ZNF83: variants seen among roughly 807,000 people sequenced by gnomAD.
The protein encoded by ZNF83 is zinc finger protein 83.
For synonymous variants in ZNF83, 209 were observed against 213.0 expected (o/e 0.98, Z 0.17); for missense variants, 552 against 629.9 (o/e 0.88, Z 1.32).
intron 2 of ZNF83, chr19:52,618,071 T>C (rs1275031072): frequency 6.6e-6 from 1 of 152,240 alleles, no homozygotes; most frequent in East Asian, 1.9e-4. Flanking sequence ...TGGATATCTT[T>C]AAAGTCTGCC....
At chr19:52,613,934 C>T in exon 3 of ZNF83, 1 of 1,613,382 alleles carries the variant, frequency 6.2e-7, no homozygotes, top group East Asian at 2.2e-5. Flanking sequence ...AAGACCTTTC[C>T]ACATTCATTA....
chr19:52,684,528 C>T lies in ZNF83; in HGVS notation c.-283+5915G>A, dbSNP rs2061980612. 2.5e-5 allele frequency among the ~76,000 whole-genome samples: 3 copies of T among 122,266 alleles called. No homozygotes were observed. The South Asian group carries it at 7.7e-4, about 32-fold the overall frequency. 80.2% of individuals were successfully genotyped at this position (122,266 alleles called of 152,430 possible). ...CACAAGAGTGCACTCATAGTTTGGACAATAGAGTGAGACTCTGTCTAAAAA... is the reference window on the plus strand; with the variant it reads ...CACAAGAGTGCACTCATAGTTTGGATAATAGAGTGAGACTCTGTCTAAAAA... On this transcript the variant is annotated intron_variant, in intron 1 of 5. Transcript: ENST00000594682.
chr19:52,636,273 C>CT (rs1478982007), intron 1 of ZNF83: 1 of 152,166 alleles, frequency 6.6e-6, no homozygotes. Flanking sequence ...GATCATGCCA[C>CT]TGCATTCCAG....
At chr19:52,618,779 CAGTGAA>C (rs776606750) in intron 2 of ZNF83, 42 of 1,258,462 alleles carry the variant, frequency 3.3e-5, no homozygotes, top group Admixed American at 7.8e-5. Context: ...AAAAAGGGGA[CAGTGAA>C]AGTCCAGATG....
chr19:52,613,954 G>A, exon 3 of ZNF83: 1 of 1,613,484 alleles, frequency 6.2e-7, no homozygotes, highest in South Asian at 1.1e-5. Flanking sequence ...ACATTTATAA[G>A]GTTTCTCTCC....
chr19:52,657,201 G>A (rs183992988), intron 2 of ZNF83, among the ~76,000 whole-genome samples: 1 of 152,148 alleles, frequency 6.6e-6, no homozygotes, highest in Non-Finnish European at 1.5e-5. Flanking sequence ...AAAATGAGAA[G>A]GTCAGCCAAC....
chr19:52,628,708 C>A (rs981774801), intron 2 of ZNF83, among the ~76,000 whole-genome samples: 8 of 151,858 alleles, frequency 5.3e-5, no homozygotes, highest in Non-Finnish European at 7.4e-5. Context: ...GTGTCTCTAC[C>A]CCTTCTTCGC....
intron 1 of ZNF83, among the ~76,000 whole-genome samples, chr19:52,662,486 T>G (rs962066390): frequency 6.6e-6 from 1 of 151,940 alleles, no homozygotes; most frequent in Non-Finnish European, 1.5e-5. Flanking sequence ...GGAAGGGCAG[T>G]GGGTGTGGAC....
intron 3 of ZNF83, chr19:52,653,060 T>A: frequency 6.7e-7 from 1 of 1,487,354 alleles, no homozygotes; most frequent in Non-Finnish European, 9.3e-7. Context: ...TCATTACACT[T>A]GTAAGGTTTC....
chr19:52,652,796 A>G (rs537084041), intron 3 of ZNF83: 1 of 878,594 alleles, frequency 1.1e-6, no homozygotes, highest in Non-Finnish European at 1.8e-6. Context: ...GCTTTGCCAC[A>G]CTCATTGCAC....
rs1223082496 is a variant in ZNF83 at position 52,666,737 on chromosome 19, C to G, written c.-282-5894G>C. Among the ~76,000 whole-genome samples the G allele has an allele frequency of 2.0e-5, 3 of 151,966 alleles. No individual in the cohort carries two copies. The East Asian group carries it at 5.8e-4, about 29-fold the overall frequency. ...CATTAACCACTGAAAATTCCATTAA[C>G]CCAGCAGGTTTTCTAACAGGGGGTC... On this transcript the variant is annotated intron_variant, in intron 1 of 5. Transcript: ENST00000594682.
chr19:52,675,320 G>A (rs1327011845), intron 1 of ZNF83, among the ~76,000 whole-genome samples: 14 of 152,288 alleles, frequency 9.2e-5, no homozygotes, highest in African/African-American at 2.9e-4. Context: ...AGGATCCCAC[G>A]ACATGTACTT....
At chr19:52,629,961 A>G (rs572275123) in intron 2 of ZNF83, among the ~76,000 whole-genome samples, 65 of 152,274 alleles carry the variant, frequency 4.3e-4, no homozygotes, top group African/African-American at 1.5e-3. Context: ...AACCCCAGCC[A>G]CATCTCCAGC....
chr19:52,618,204 A>G (rs1456811247), intron 2 of ZNF83, among the ~76,000 whole-genome samples: 2 of 151,246 alleles, frequency 1.3e-5, no homozygotes, highest in African/African-American at 4.9e-5. Context: ...TGATAATCTT[A>G]CCTTAGCCTT....
intron 3 of ZNF83, among the ~76,000 whole-genome samples, chr19:52,648,005 T>A (rs577410230): frequency 6.6e-5 from 10 of 151,926 alleles, no homozygotes; most frequent in Middle Eastern, 3.2e-3. Context: ...GCTCTGTCTG[T>A]CCTGGCTGCA....
chr19:52,650,564 T>C (rs1489114901), intron 3 of ZNF83: 1 of 152,188 alleles, frequency 6.6e-6, no homozygotes, highest in South Asian at 2.1e-4. Flanking sequence ...GCCGAACTTA[T>C]TACTTTTCTA....
At chr19:52,632,967 C>T (rs2061021466) in intron 2 of ZNF83, among the ~76,000 whole-genome samples, 1 of 152,124 alleles carries the variant, frequency 6.6e-6, no homozygotes, top group African/African-American at 2.4e-5. Context: ...CTCTCCATAC[C>T]ACCCCCAAAA....
chr19:52,633,373 T>G (rs1297668548), intron 2 of ZNF83, among the ~76,000 whole-genome samples: 1 of 152,190 alleles, frequency 6.6e-6, no homozygotes, highest in Non-Finnish European at 1.5e-5. Context: ...TGTTTGGTAG[T>G]CTCTTCACAC....
In ZNF83 at chr19:52,652,081, C is replaced by T. The variant is rs574358863; in HGVS notation, c.-74+3480G>A. On this transcript the variant is annotated intron_variant, in intron 3 of 5. Coordinates refer to the ZNF83 transcript ENST00000594682. ...GACTAAAGACATTGCCACACCTATT[C>T]CATTTGTAAGATTTCTGTCCAGTAT... is the stretch of plus-strand genomic sequence containing the variant. 12 of 239,634 alleles carry T rather than the reference C, an allele frequency of 5.0e-5. No individual in the cohort carries two copies. The South Asian group carries it at 7.4e-4, about 15-fold the overall frequency. 14.8% of individuals were successfully genotyped at this position (239,634 alleles called of 1,614,324 possible). A position where few individuals can be genotyped will look rare whatever the true frequency, so the allele number is the denominator to read the frequency against.
Sources: allele counts gnomAD v4.1 joint callset (sites outside exome capture counted in the v4.1 genomes callset), GRCh38; gene constraint gnomAD v4.1.1; transcripts MANE v1.5; gene names NCBI Gene and HGNC (gene_info 2026-07-23, HGNC 2026-07-21).